SLC5A1: variants seen among roughly 807,000 people sequenced by gnomAD.
SLC5A1 encodes the protein sodium/glucose cotransporter 1.
SLC5A1 carries 42 observed loss-of-function variants against 73.5 expected under a neutral mutation model. The observed-to-expected ratio is 0.57, with a 90% CI of 0.45 to 0.74. The LOEUF (loss-of-function observed/expected upper bound fraction) is 0.74. Among genes scored for constraint, SLC5A1 ranks in the 30% least tolerant of loss-of-function variants. The pLI, the probability that SLC5A1 is intolerant of heterozygous loss-of-function variation, is 0.00. For missense variants in SLC5A1, 634 were observed against 855.4 expected (o/e 0.74, Z 3.23); for synonymous variants, 300 against 317.4 (o/e 0.95, Z 0.58).
intron 5 of SLC5A1, among the ~76,000 whole-genome samples, chr22:32,075,348 T>C (rs2093989226): frequency 6.6e-6 from 1 of 152,122 alleles, no homozygotes; most frequent in African/African-American, 2.4e-5. Flanking sequence ...CCAAAGTCTG[T>C]TCTCAGTGTT....
In SLC5A1 at chr22:32,045,003, A is replaced by G. The variant is rs551255698; in HGVS notation, c.135+1587A>G. On this transcript the variant is annotated intron_variant, in intron 1 of 14. Coordinates refer to ENST00000266088, the MANE Select transcript of SLC5A1 (RefSeq NM_000343.4). ...AGAATGCTAATCCCCGTTTTACAGA[A>G]GAGGAAATTGAAGCCTCATGTGGTT... 2.6e-5 allele frequency among the ~76,000 whole-genome samples: 4 copies of G among 152,334 alleles called. No homozygotes were observed. The East Asian group carries it at 5.8e-4, about 22-fold the overall frequency.
intron 1 of SLC5A1, among the ~76,000 whole-genome samples, chr22:32,049,339 T>C (rs2093942124): frequency 6.7e-6 from 1 of 148,918 alleles, no homozygotes; most frequent in South Asian, 2.1e-4. Context: ...TCTTAGAGCA[T>C]TTTTTCACTT....
chr22:32,109,865 GA>G, intron 14 of SLC5A1, 124 bp from the exon 15 acceptor site: 3 of 726,672 alleles, frequency 4.1e-6, no homozygotes, highest in Non-Finnish European at 7.1e-6. Context: ...GAAATTTGGG[GA>G]AATTTCTCAT....
Position 32,068,581 on chromosome 22 carries a change from A to G in SLC5A1, c.458A>G (p.Tyr153Cys). The change falls in exon 5 of 15, where the codon TAC becomes TGC. Residue 153 changes from tyrosine to cysteine, a missense_variant. Transcript: ENST00000266088. ...VYLSLLSLLLYIFTKISADIF... is the reference protein window; with the variant it reads ...VYLSLLSLLLCIFTKISADIF... ...CTTTCCCTTCTGTCCCTGCTGCTCT[A>G]CATTTTCACCAAGATCTCGGTGAGT... The G allele has an allele frequency of 6.2e-7, 1 of 1,612,952 alleles. No homozygotes were observed. The highest frequency in any genetic ancestry group is 8.5e-7 in the Non-Finnish European group (1 of 1,179,418).
intron 2 of SLC5A1, among the ~76,000 whole-genome samples, chr22:32,053,884 T>C (rs1214516892): frequency 6.6e-6 from 1 of 152,208 alleles, no homozygotes; most frequent in African/African-American, 2.4e-5. Flanking sequence ...ATCATTATAA[T>C]TGTTTCTCAG....
chr22:32,081,790 C>CA lies in SLC5A1; in HGVS notation c.478-75dup, dbSNP rs371256879. ...CTTGAATAAAGCTTGCTTGGAAAAT[C>CA]AGGAGTAGAGAGACTACAGGCCCTG... On this transcript the variant is annotated intron_variant, in intron 5 of 14. Coordinates refer to ENST00000266088, the MANE Select transcript of SLC5A1 (RefSeq NM_000343.4). 263 of 872,092 alleles carry CA rather than the reference C, an allele frequency of 3.0e-4. 1 individual carries two copies. The African/African-American group carries it at 3.6e-3, about 12-fold the overall frequency. The allele number at this position is 872,092 out of a possible 1,614,324, so 54.0% of individuals were successfully genotyped here. A position where few individuals can be genotyped will look rare whatever the true frequency, so the allele number is the denominator to read the frequency against.
At chr22:32,091,561 A>C (rs1158548703) in intron 10 of SLC5A1, 51 bp from the exon 11 acceptor site, 5 of 1,607,932 alleles carry the variant, frequency 3.1e-6, no homozygotes, top group Non-Finnish European at 4.3e-6. Flanking sequence ...TTTCAAGTAC[A>C]AAAGAGCTGA....
intron 5 of SLC5A1, among the ~76,000 whole-genome samples, chr22:32,081,567 C>G (rs1226836771): frequency 6.6e-6 from 1 of 152,146 alleles, no homozygotes; most frequent in Non-Finnish European, 1.5e-5. Context: ...ATAGCTGTTC[C>G]TTGGCAAAAA....
intron 1 of SLC5A1, among the ~76,000 whole-genome samples, chr22:32,045,106 A>G (rs1046704041): frequency 1.3e-5 from 2 of 152,176 alleles, no homozygotes; most frequent in Non-Finnish European, 2.9e-5. Flanking sequence ...TTATGGTACC[A>G]GGCACTCTGC....
At chr22:32,089,156 C>T (rs1285847481) in intron 10 of SLC5A1, among the ~76,000 whole-genome samples, 1 of 152,198 alleles carries the variant, frequency 6.6e-6, no homozygotes, top group Non-Finnish European at 1.5e-5. Flanking sequence ...GGCTGAAAGC[C>T]CTTCCTACTA....
At chr22:32,086,552 C>T (rs935536771) in intron 10 of SLC5A1, among the ~76,000 whole-genome samples, 1 of 152,174 alleles carries the variant, frequency 6.6e-6, no homozygotes, top group Non-Finnish European at 1.5e-5. Flanking sequence ...ACTTGCCCAT[C>T]AGTCAGGCTT....
At chr22:32,090,065 C>T (rs1371019934) in intron 10 of SLC5A1, among the ~76,000 whole-genome samples, 1 of 145,062 alleles carries the variant, frequency 6.9e-6, no homozygotes, top group Non-Finnish European at 1.5e-5. Context: ...ACGTAACTTG[C>T]TTAGGATCAG....
Position 32,102,139 on chromosome 22 carries a change from G to C in SLC5A1, c.1567G>C (p.Gly523Arg). The change falls in exon 13 of 15, where the codon GGG (glycine) becomes CGG (arginine). Residue 523 changes from glycine to arginine, a missense_variant. Gly to Arg is a moderately radical substitution (Grantham distance 125). Coordinates refer to ENST00000266088, the MANE Select transcript of SLC5A1 (RefSeq NM_000343.4). ...CAGCAACTGTCCCACGATTATCTGT[G>C]GGGTGCACTACTTGTACTTTGCCAT... is the stretch of plus-strand genomic sequence containing the variant. ...EPSNCPTIIC[G>R]VHYLYFAIIL... 1 of 1,613,998 alleles carries C rather than the reference G, an allele frequency of 6.2e-7. No individual in the cohort carries two copies.
intron 5 of SLC5A1, among the ~76,000 whole-genome samples, chr22:32,075,098 G>A (rs1603121612): frequency 7.6e-6 from 1 of 131,272 alleles, no homozygotes; most frequent in East Asian, 2.3e-4. Context: ...TTTTTTTAGA[G>A]ATAGGGTCTC....
At chr22:32,091,341 ACC>A (rs1268820716) in intron 10 of SLC5A1, among the ~76,000 whole-genome samples, 1 of 128,164 alleles carries the variant, frequency 7.8e-6, no homozygotes, top group Non-Finnish European at 1.6e-5. Flanking sequence ...ACACACACAC[ACC>A]CCACCACCTT....
intron 5 of SLC5A1, among the ~76,000 whole-genome samples, chr22:32,072,426 T>C (rs1603119600): frequency 6.6e-6 from 1 of 152,262 alleles, no homozygotes; most frequent in Admixed American, 6.5e-5. Flanking sequence ...AGTATTACGG[T>C]GTATATGTGC....
chr22:32,060,014 T>TACACACACAC (rs58053068), intron 2 of SLC5A1, among the ~76,000 whole-genome samples: 28 of 137,688 alleles, frequency 2.0e-4, no homozygotes, highest in African/African-American at 6.9e-4. Flanking sequence ...GCCATGGTTA[T>TACACACACAC]ACACACACAC....
chr22:32,106,597 G>A (rs1049634188), intron 14 of SLC5A1, among the ~76,000 whole-genome samples: 5 of 152,202 alleles, frequency 3.3e-5, no homozygotes, highest in African/African-American at 4.8e-5. Flanking sequence ...GGGGATAGAA[G>A]CCCTTGGGAT....
chr22:32,070,293 TTCATTC>T (rs1360414541), intron 5 of SLC5A1, among the ~76,000 whole-genome samples: 1 of 122,190 alleles, frequency 8.2e-6, no homozygotes, highest in Non-Finnish European at 1.7e-5. Flanking sequence ...TCCCTTCTTC[TTCATTC>T]TTCTTCTTCC....
Sources: allele counts gnomAD v4.1 joint callset (sites outside exome capture counted in the v4.1 genomes callset), GRCh38; gene constraint gnomAD v4.1.1; transcripts MANE v1.5; gene names NCBI Gene and HGNC (gene_info 2026-07-23, HGNC 2026-07-21).